FAF1: variants seen among roughly 807,000 people sequenced by gnomAD.
FAF1 encodes Fas associated factor 1.
In FAF1, 25 loss-of-function variants were observed where a neutral mutation model predicts 92.5. The ratio of observed to expected loss-of-function variants is 0.27; its 90% CI spans 0.20 to 0.38. FAF1 has a LOEUF of 0.38. FAF1 is among the 10% of genes least tolerant of loss of function. The probability of loss-of-function intolerance (pLI) is 1.00; values close to 1 mark genes in which losing one functional copy is unlikely to be tolerated. For synonymous variants in FAF1, 234 were observed against 273.2 expected (o/e 0.86, Z 1.42); for missense variants, 636 against 793.3 (o/e 0.80, Z 2.38).
At chr1:50,907,427 A>G (rs982936805) in intron 1 of FAF1, among the ~76,000 whole-genome samples, 4 of 152,060 alleles carry the variant, frequency 2.6e-5, no homozygotes, top group Non-Finnish European at 5.9e-5. Context: ...CTCTTTTTCT[A>G]TTGATTGGAA....
intron 6 of FAF1, among the ~76,000 whole-genome samples, chr1:50,710,293 C>T (rs1187283439): frequency 1.3e-5 from 2 of 152,162 alleles, no homozygotes; most frequent in Non-Finnish European, 2.9e-5. Flanking sequence ...TGCCAGACTG[C>T]TTTAGAACAC....
chr1:50,441,235 T>A lies in FAF1; in HGVS notation c.*205A>T. ...AGGGTGGCAGAGTTGTAATTCTCTG[T>A]AATAAGGGTTGGGAATATATACTCA... is the stretch of plus-strand genomic sequence containing the variant. On this transcript the variant is annotated 3_prime_UTR_variant, in exon 19 of 19. Coordinates refer to ENST00000396153, the MANE Select transcript of FAF1 (RefSeq NM_007051.3). 1 of 466,398 alleles carries A rather than the reference T, an allele frequency of 2.1e-6. No individual in the cohort carries two copies. The highest frequency in any genetic ancestry group is 3.8e-6 in the Non-Finnish European group (1 of 262,758). The allele number at this position is 466,398 out of a possible 1,614,324, so 28.9% of individuals were successfully genotyped here.
intron 15 of FAF1, among the ~76,000 whole-genome samples, chr1:50,522,847 A>T (rs1309863237): frequency 6.6e-6 from 1 of 152,218 alleles, no homozygotes; most frequent in Non-Finnish European, 1.5e-5. Context: ...AACTATCACC[A>T]CCATCTATTT....
chr1:50,645,559 C>T (rs1654539229), intron 8 of FAF1, among the ~76,000 whole-genome samples: 1 of 152,224 alleles, frequency 6.6e-6, no homozygotes, highest in Non-Finnish European at 1.5e-5. Flanking sequence ...CGCTATGGCT[C>T]ATGCCTATAA....
intron 15 of FAF1, among the ~76,000 whole-genome samples, chr1:50,507,368 G>A (rs1647071701): frequency 6.6e-6 from 1 of 152,218 alleles, no homozygotes; most frequent in Admixed American, 6.6e-5. Context: ...GTTAGTACCT[G>A]GCTGGTGTGA....
chr1:50,545,334 A>C (rs1648956962), intron 13 of FAF1, among the ~76,000 whole-genome samples: 1 of 152,088 alleles, frequency 6.6e-6, no homozygotes, highest in South Asian at 2.1e-4. Context: ...GAGTGCAGTG[A>C]TGCCATCTTG....
intron 15 of FAF1, among the ~76,000 whole-genome samples, chr1:50,513,117 T>C (rs554410407): frequency 2.6e-5 from 4 of 152,306 alleles, no homozygotes; most frequent in Non-Finnish European, 5.9e-5. Flanking sequence ...CTCTGAAATG[T>C]ACTAAGCGTT....
chr1:50,472,430 A>C (rs947529238), intron 18 of FAF1, among the ~76,000 whole-genome samples: 51 of 140,438 alleles, frequency 3.6e-4, no homozygotes, highest in African/African-American at 1.2e-3. Context: ...CACAAACCCC[A>C]AAACCAAGTA....
chr1:50,921,329 T>A (rs1329131116), intron 1 of FAF1, among the ~76,000 whole-genome samples: 2 of 152,158 alleles, frequency 1.3e-5, no homozygotes, highest in African/African-American at 4.8e-5. Context: ...GCGTGCACCA[T>A]CCAAGAGCCT....
intron 7 of FAF1, among the ~76,000 whole-genome samples, chr1:50,692,973 T>A (rs916792201): frequency 3.3e-5 from 5 of 152,224 alleles, no homozygotes; most frequent in Non-Finnish European, 7.3e-5. Context: ...ACAAGTCTCT[T>A]ATCAATATAC....
chr1:50,600,566 A>G (rs911712516), intron 8 of FAF1, among the ~76,000 whole-genome samples: 1 of 152,164 alleles, frequency 6.6e-6, no homozygotes, highest in African/African-American at 2.4e-5. Flanking sequence ...AACCTTTAGG[A>G]AACTACCACT....
chr1:50,865,505 G>A (rs1367845190), intron 1 of FAF1, among the ~76,000 whole-genome samples: 2 of 142,956 alleles, frequency 1.4e-5, no homozygotes, highest in Non-Finnish European at 1.5e-5. Flanking sequence ...ATACTATGCA[G>A]CCATAAAAAA....
intron 8 of FAF1, among the ~76,000 whole-genome samples, chr1:50,597,648 A>T (rs1327008915): frequency 6.6e-6 from 1 of 152,148 alleles, no homozygotes; most frequent in African/African-American, 2.4e-5. Flanking sequence ...TCACAAAAAT[A>T]ATTATTATTT....
intron 17 of FAF1, among the ~76,000 whole-genome samples, chr1:50,482,867 G>A (rs1646719280): frequency 6.6e-6 from 1 of 152,044 alleles, no homozygotes; most frequent in South Asian, 2.1e-4. Context: ...TTATTATTGA[G>A]TTTTGAGAGT....
At chr1:50,652,980 G>T (rs558118486) in intron 8 of FAF1, among the ~76,000 whole-genome samples, 3 of 152,052 alleles carry the variant, frequency 2.0e-5, no homozygotes, top group Non-Finnish European at 4.4e-5. Context: ...ATATGCTCAG[G>T]TCTTAATTAT....
At chr1:50,692,258 TGTGTG>T (rs1656967260) in intron 7 of FAF1, among the ~76,000 whole-genome samples, 1 of 146,104 alleles carries the variant, frequency 6.8e-6, no homozygotes, top group African/African-American at 2.5e-5. Context: ...TGTGTGTGTG[TGTGTG>T]TGTGTGTGTG....
intron 1 of FAF1, among the ~76,000 whole-genome samples, chr1:50,884,741 G>GA (rs1379953962): frequency 6.6e-6 from 1 of 151,944 alleles, no homozygotes; most frequent in African/African-American, 2.4e-5. Context: ...TTTTTGTTTT[G>GA]ATGTGTTTTT....
At chr1:50,842,691 T>C (rs1644265491) in intron 2 of FAF1, among the ~76,000 whole-genome samples, 1 of 152,120 alleles carries the variant, frequency 6.6e-6, no homozygotes, top group South Asian at 2.1e-4. Context: ...TTCACCTGGC[T>C]GGCTCCTCGT....
At chr1:50,459,244 G>A (rs1646395169) in intron 18 of FAF1, among the ~76,000 whole-genome samples, 1 of 151,970 alleles carries the variant, frequency 6.6e-6, no homozygotes. Context: ...AAAGTGCTGG[G>A]ATTACAGGTA....
Sources: gnomAD v4.1 joint callset for allele counts (sites outside exome capture counted in the v4.1 genomes callset) on GRCh38, gnomAD v4.1.1 for gene constraint, MANE v1.5 for transcripts, NCBI Gene and HGNC (gene_info 2026-07-23, HGNC 2026-07-21) for gene names.